The following GLIS3 variants were observed in gnomAD, a reference collection of about 807,000 sequenced individuals.
GLIS3 encodes the protein GLIS family zinc finger 3, also known as zinc finger protein GLIS3.
A neutral mutation model predicts 78.6 loss-of-function variants in GLIS3; 53 were observed. The ratio of observed to expected loss-of-function variants is 0.67; its 90% CI spans 0.54 to 0.85. The LOEUF is 0.85. GLIS3 is among the 40% of genes least tolerant of loss of function. The pLI is 0.00. For synonymous variants in GLIS3, 684 were observed against 509.9 expected (o/e 1.34, Z -4.60); for missense variants, 1,703 against 1,231.1 (o/e 1.38, Z -5.74).
At chr9:3,841,063 G>C (rs12348669) in intron 9 of GLIS3, among the ~76,000 whole-genome samples, 3,624 of 152,206 alleles carry the variant, frequency 0.024, 184 homozygotes, top group African/African-American at 0.084. Context: ...TAGGGAAATA[G>C]GGGGGAAAAA....
intron 4 of GLIS3, among the ~76,000 whole-genome samples, chr9:4,067,928 A>G (rs1827243355): frequency 6.6e-6 from 1 of 152,186 alleles, no homozygotes; most frequent in Non-Finnish European, 1.5e-5. Flanking sequence ...TTATGATGCA[A>G]TTATTCAATA....
At chr9:4,162,806 A>T (rs1239237009) in intron 2 of GLIS3, among the ~76,000 whole-genome samples, 1 of 147,534 alleles carries the variant, frequency 6.8e-6, no homozygotes, top group East Asian at 2.0e-4. Context: ...GCAGTGAGCC[A>T]AGATTTCACC....
At chr9:4,418,392 T>A in the GLIS3 span, among the ~76,000 whole-genome samples, 1 of 152,224 alleles carries the variant, frequency 6.6e-6, no homozygotes, top group Non-Finnish European at 1.5e-5. Context: ...ATTCGGATGT[T>A]ACAGGATTTG....
intron 2 of GLIS3, among the ~76,000 whole-genome samples, chr9:4,196,961 A>G (rs940285191): frequency 2.6e-5 from 4 of 152,098 alleles, no homozygotes; most frequent in Admixed American, 2.6e-4. Context: ...AACTCCAGGC[A>G]CTTGGAGCAT....
chr9:4,145,588 T>C lies in GLIS3; in HGVS notation c.389-19647A>G, dbSNP rs954443688. Among the ~76,000 whole-genome samples the C allele has an allele frequency of 3.3e-5, 5 of 152,238 alleles. No individual in the cohort carries two copies. In the South Asian group the frequency reaches 6.2e-4, roughly 19 times the overall value. ...TAACATTCAAAAAGCCCATAATGCC[T>C]AAGAGGCATGAACACCGACTTTTAC... On this transcript the variant is annotated intron_variant, in intron 2 of 10. Transcript: ENST00000381971.
intron 4 of GLIS3, chr9:4,054,439 A>T: frequency 1.0e-6 from 1 of 985,412 alleles, no homozygotes; most frequent in Non-Finnish European, 1.2e-6. Flanking sequence ...CTTTGGCGAG[A>T]GTCACAGGAG....
At chr9:4,119,041 AAGGCTTCC>A (rs1831982963) in intron 3 of GLIS3, among the ~76,000 whole-genome samples, 160 bp from the exon 4 acceptor site, 1 of 152,238 alleles carries the variant, frequency 6.6e-6, no homozygotes, top group Non-Finnish European at 1.5e-5. Context: ...GATAAAATCC[AAGGCTTCC>A]AGTTCCAGGT....
At chr9:4,468,915 A>G in the GLIS3 span, among the ~76,000 whole-genome samples, 5 of 152,216 alleles carry the variant, frequency 3.3e-5, no homozygotes, top group Non-Finnish European at 5.9e-5. Flanking sequence ...AGACACATAT[A>G]GGCTCAAAAT....
chr9:4,234,916 A>G lies in GLIS3; in HGVS notation c.388+51122T>C, dbSNP rs113022009. On this transcript the variant is annotated intron_variant, in intron 2 of 10. Coordinates refer to ENST00000381971, the MANE Select transcript of GLIS3 (RefSeq NM_001042413.2). ...CCTAAGAGTCCCTAGAGTTGGAAGG[A>G]CTCAAAAAGGCATCGCCACATACAC... is the stretch of plus-strand genomic sequence containing the variant. 7.7e-3 allele frequency among the ~76,000 whole-genome samples: 1,172 copies of G among 152,182 alleles called. 3 individuals are homozygous for G. The highest frequency in any genetic ancestry group is 0.013 in the Non-Finnish European group (902 of 67,982).
intron 4 of GLIS3, among the ~76,000 whole-genome samples, chr9:4,024,976 C>T (rs145259567): frequency 1.1e-3 from 169 of 152,248 alleles, no homozygotes; most frequent in African/African-American, 3.3e-3. Context: ...AGGCTAGGCA[C>T]GGTGGCTCAT....
chr9:3,957,684 T>C (rs1001062511), intron 4 of GLIS3, among the ~76,000 whole-genome samples: 3 of 152,176 alleles, frequency 2.0e-5, no homozygotes, highest in African/African-American at 2.4e-5. Flanking sequence ...GACAAAGAAA[T>C]GTTAGCACCA....
At chr9:3,837,409 T>C (rs1818420408) in intron 9 of GLIS3, among the ~76,000 whole-genome samples, 1 of 152,230 alleles carries the variant, frequency 6.6e-6, no homozygotes, top group African/African-American at 2.4e-5. Context: ...TCAGCAATTG[T>C]GTCCTCTTAT....
intron 2 of GLIS3, among the ~76,000 whole-genome samples, chr9:4,331,546 G>C (rs948643772): frequency 5.3e-5 from 8 of 152,176 alleles, no homozygotes; most frequent in African/African-American, 1.7e-4. Context: ...TGAAGCAGAA[G>C]TTGCAGTTCT....
chr9:4,267,879 GAAAT>G (rs1219027915), intron 2 of GLIS3, among the ~76,000 whole-genome samples: 2 of 151,930 alleles, frequency 1.3e-5, no homozygotes, highest in Non-Finnish European at 2.9e-5. Flanking sequence ...CATTGCTAAA[GAAAT>G]AAATAGATTT....
rs537037384 is a variant in GLIS3, at chr9:3,932,491, G to T, written c.1873-21C>A. 18 of 1,534,922 alleles carry T rather than the reference G, an allele frequency of 1.2e-5. No individual in the cohort carries two copies. The African/African-American group carries it at 2.5e-4, about 21-fold the overall frequency. On this transcript the variant is annotated intron_variant, in intron 5 of 10. Transcript: ENST00000381971. ...GGTTTCTAAATGAGAAAGAAAGAAA[G>T]AAACAGCTGTGGTTAAATCATAAAG...
chr9:4,396,407 G>T, the GLIS3 span, among the ~76,000 whole-genome samples: 1 of 152,174 alleles, frequency 6.6e-6, no homozygotes, highest in African/African-American at 2.4e-5. Context: ...GGGATTGCAG[G>T]CATGAGCCAC....
At chr9:3,842,928 G>A (rs1818811100) in intron 9 of GLIS3, among the ~76,000 whole-genome samples, 1 of 152,144 alleles carries the variant, frequency 6.6e-6, no homozygotes, top group Non-Finnish European at 1.5e-5. Context: ...CCTTTCTGCT[G>A]GTAGATGGGG....
intron 2 of GLIS3, among the ~76,000 whole-genome samples, chr9:4,238,489 T>A (rs1822990101): frequency 6.6e-6 from 1 of 152,176 alleles, no homozygotes; most frequent in African/African-American, 2.4e-5. Context: ...CAATAATTTT[T>A]AAAAAGTGCC....
intron 2 of GLIS3, among the ~76,000 whole-genome samples, chr9:4,333,248 A>AAAGGAAAAGGGG (rs2130569976): frequency 6.6e-6 from 1 of 151,426 alleles, no homozygotes; most frequent in East Asian, 1.9e-4. Flanking sequence ...GAGGGGAAGG[A>AAAGGAAAAGGGG]AAGGAAAGAA....
Sources: allele counts gnomAD v4.1 joint callset (sites outside exome capture counted in the v4.1 genomes callset), GRCh38; gene constraint gnomAD v4.1.1; transcripts MANE v1.5; gene names NCBI Gene and HGNC (gene_info 2026-07-23, HGNC 2026-07-21).